The following THUMPD2 variants were observed in gnomAD, a reference collection of about 807,000 sequenced individuals.
The protein encoded by THUMPD2 is THUMP domain 2 tRNA and snRNA guanosine methyltransferase, also known as U6 snRNA (guanine-N(2))-methyltransferase THUMPD2.
THUMPD2 carries 56 observed loss-of-function variants against 49.4 expected under a neutral mutation model. The observed-to-expected ratio is 1.13, with a 90% CI of 0.91 to 1.41. The LOEUF (loss-of-function observed/expected upper bound fraction) is 1.41, where lower values mean the gene tolerates loss of function less well. Ranked by LOEUF, THUMPD2 falls within the 40% of genes most tolerant of loss-of-function variation. THUMPD2 has a pLI of 0.00. For missense variants in THUMPD2, 709 were observed against 594.5 expected (o/e 1.19, Z -2.00); for synonymous variants, 237 against 205.2 (o/e 1.15, Z -1.32).
chr2:39,773,070 T>A (rs1161000719), intron 1 of THUMPD2, among the ~76,000 whole-genome samples: 1 of 152,128 alleles, frequency 6.6e-6, no homozygotes, highest in Admixed American at 6.6e-5. Flanking sequence ...TAGGAATCAA[T>A]ATATAAGGGG....
At chr2:39,749,311 G>C (rs1675066594) in intron 8 of THUMPD2, among the ~76,000 whole-genome samples, 1 of 152,152 alleles carries the variant, frequency 6.6e-6, no homozygotes, top group African/African-American at 2.4e-5. Flanking sequence ...TGACTTAACT[G>C]ATTATCTTTC....
At chr2:39,771,308 C>T (rs538154847) in intron 2 of THUMPD2, among the ~76,000 whole-genome samples, 197 bp downstream of exon 2, 9 of 152,066 alleles carry the variant, frequency 5.9e-5, no homozygotes, top group South Asian at 2.1e-4. Context: ...AAAGGCAGCA[C>T]GCAGGTTGCA....
chr2:39,739,428 C>G (rs1002365795), intron 9 of THUMPD2, among the ~76,000 whole-genome samples: 24 of 152,144 alleles, frequency 1.6e-4, no homozygotes, highest in African/African-American at 5.3e-4. Flanking sequence ...CCCAGAGAGG[C>G]CTTTCCTGAC....
intron 1 of THUMPD2, among the ~76,000 whole-genome samples, chr2:39,773,505 G>A (rs963851213): frequency 2.1e-4 from 30 of 146,160 alleles, no homozygotes; most frequent in South Asian, 8.7e-4. Context: ...CATTTTATCC[G>A]ATGAGCTTTC....
intron 4 of THUMPD2, 54 bp downstream of exon 4, chr2:39,768,370 C>T: frequency 7.1e-7 from 1 of 1,404,360 alleles, no homozygotes; most frequent in South Asian, 1.2e-5. Context: ...ATACAGGACA[C>T]TGTCTTTAAA....
At chr2:39,775,248 T>C (rs147017692) in intron 1 of THUMPD2, among the ~76,000 whole-genome samples, 198 of 152,256 alleles carry the variant, frequency 1.3e-3, no homozygotes, top group Middle Eastern at 0.01. Flanking sequence ...CACTGTTCCC[T>C]AGCCTGAGTG....
At chr2:39,751,096 A>C (rs1269413587) in intron 8 of THUMPD2, among the ~76,000 whole-genome samples, 11 of 152,226 alleles carry the variant, frequency 7.2e-5, no homozygotes, top group African/African-American at 2.7e-4. Flanking sequence ...CACCTACCCC[A>C]TCACTTTCCA....
In THUMPD2 at chr2:39,769,716, A is replaced by G. The variant is rs1678055599; in HGVS notation, c.666T>C (p.Thr222=). 6.4e-7 allele frequency: 1 copy of G among 1,558,816 alleles called. No homozygotes were observed. The highest frequency in any genetic ancestry group is 2.3e-5 in the East Asian group (1 of 42,948). ...CTTTAGGATGCAAGCATACCTGTGC[A>G]GTGAAGGCCTTTCCAATAGTTCCAC... is the stretch of plus-strand genomic sequence containing the variant. ...RCSGTIGKAF[T]AQEVGKVIGI... The change falls in exon 3 of 10, where the codon ACT becomes ACC. Residue 222 remains threonine, a synonymous_variant. Coordinates refer to ENST00000505747, the MANE Select transcript of THUMPD2 (RefSeq NM_025264.5).
Position 39,736,932 on chromosome 2 carries a change from T to A in THUMPD2, c.1315A>T (p.Lys439Ter). The A allele has an allele frequency of 1.2e-6, 2 of 1,614,178 alleles. No homozygotes were observed. The highest frequency in any genetic ancestry group is 1.7e-6 in the Non-Finnish European group (2 of 1,180,018). Residue 439 changes from lysine (K) to a stop codon, truncating the protein, a stop_gained, in exon 10 of 10, where the codon AAA becomes TAA. Coordinates refer to ENST00000505747, the MANE Select transcript of THUMPD2 (RefSeq NM_025264.5). LOFTEE classifies it low-confidence loss of function (END_TRUNC). ...TTTTCTTCAGGATTCAAGCACTTTT[T>A]AATTCCAGGTTCATCTGTGTGACTG... ...KDSHTDEPGI[K>*]KCLNPEEKTG...
At chr2:39,770,900 G>A (rs760357615) in intron 2 of THUMPD2, among the ~76,000 whole-genome samples, 1 of 151,796 alleles carries the variant, frequency 6.6e-6, no homozygotes, top group East Asian at 1.9e-4. Flanking sequence ...TGAAGTTTAC[G>A]GCAGCATTTA....
chr2:39,742,550 C>A (rs112928478), intron 9 of THUMPD2, among the ~76,000 whole-genome samples: 1,955 of 152,290 alleles, frequency 0.013, 38 homozygotes, highest in African/African-American at 0.045. Flanking sequence ...CTATAATATG[C>A]AGCATTAGAT....
At chr2:39,776,456 C>T (rs111803222) in intron 1 of THUMPD2, among the ~76,000 whole-genome samples, 3,351 of 150,026 alleles carry the variant, frequency 0.022, 115 homozygotes, top group African/African-American at 0.077. Flanking sequence ...TGCAGTGGCG[C>T]GATCTTGGCT....
chr2:39,753,544 T>A (rs1484700078), intron 8 of THUMPD2, among the ~76,000 whole-genome samples: 1 of 152,160 alleles, frequency 6.6e-6, no homozygotes, highest in African/African-American at 2.4e-5. Context: ...ATTTGTATAC[T>A]GAGGTACTAA....
chr2:39,776,638 G>T (rs993416143), intron 1 of THUMPD2, among the ~76,000 whole-genome samples: 2 of 152,008 alleles, frequency 1.3e-5, no homozygotes, highest in Admixed American at 1.3e-4. Flanking sequence ...TAATCTGCCC[G>T]GCTTGGCCTC....
At chr2:39,738,135 G>A (rs1376347852) in intron 9 of THUMPD2, among the ~76,000 whole-genome samples, 2 of 152,138 alleles carry the variant, frequency 1.3e-5, no homozygotes, top group East Asian at 1.9e-4. Context: ...GGGACAGGGA[G>A]CAGAGATTTC....
chr2:39,739,783 C>T (rs1004415251), intron 9 of THUMPD2, among the ~76,000 whole-genome samples: 2 of 152,150 alleles, frequency 1.3e-5, no homozygotes, highest in Admixed American at 6.5e-5. Flanking sequence ...GAGGATAAAC[C>T]CTTGCAGGAA....
intron 3 of THUMPD2, 165 bp downstream of exon 3, chr2:39,769,545 T>C: frequency 1.7e-6 from 1 of 589,208 alleles, no homozygotes; most frequent in Non-Finnish European, 2.6e-6. Flanking sequence ...CTACTAAAAA[T>C]ACAAAAATTA....
chr2:39,766,769 C>T (rs965186997), intron 4 of THUMPD2, among the ~76,000 whole-genome samples: 1 of 152,062 alleles, frequency 6.6e-6, no homozygotes, highest in Non-Finnish European at 1.5e-5. Flanking sequence ...GATACTCGCA[C>T]CCCAAGATAA....
At chr2:39,766,216 G>C (rs1677497150) in intron 4 of THUMPD2, 107 bp from the exon 5 acceptor site, 1 of 743,392 alleles carries the variant, frequency 1.3e-6, no homozygotes, top group Non-Finnish European at 2.1e-6. Flanking sequence ...GTTTTAAAAA[G>C]AAACTCCAAG....
Sources: gnomAD v4.1 joint callset for allele counts (sites outside exome capture counted in the v4.1 genomes callset) on GRCh38, gnomAD v4.1.1 for gene constraint, MANE v1.5 for transcripts, NCBI Gene and HGNC (gene_info 2026-07-23, HGNC 2026-07-21) for gene names.